Variants in ST3GAL1 observed in about 807,000 individuals in gnomAD.
The protein encoded by ST3GAL1 is CMP-N-acetylneuraminate-beta-galactosamide-alpha-2,3-sialyltransferase 1.
A neutral mutation model predicts 34.1 loss-of-function variants in ST3GAL1; 16 were observed. The observed-to-expected ratio is 0.47, with a 90% CI of 0.32 to 0.71. The LOEUF (loss-of-function observed/expected upper bound fraction) is 0.71. ST3GAL1 is among the 30% of genes least tolerant of loss of function. The pLI is 0.04. For missense variants in ST3GAL1, 353 were observed against 447.4 expected (o/e 0.79, Z 1.90); for synonymous variants, 191 against 184.7 (o/e 1.03, Z -0.28).
intron 3 of ST3GAL1, among the ~76,000 whole-genome samples, chr8:133,484,841 C>A (rs913807360): frequency 1.3e-5 from 2 of 152,198 alleles, no homozygotes; most frequent in African/African-American, 4.8e-5. Context: ...CCTGATACCG[C>A]TGACCCTGGG....
chr8:133,495,751 A>G (rs1816926397), intron 3 of ST3GAL1, among the ~76,000 whole-genome samples: 1 of 152,172 alleles, frequency 6.6e-6, no homozygotes, highest in African/African-American at 2.4e-5. Context: ...CGTAACCCAT[A>G]GCATGTGTGG....
chr8:133,514,040 A>G (rs2131016185), intron 2 of ST3GAL1, among the ~76,000 whole-genome samples: 1 of 152,338 alleles, frequency 6.6e-6, no homozygotes, highest in East Asian at 1.9e-4. Flanking sequence ...CATAATAAAC[A>G]CAAAGAGCTC....
chr8:133,483,542 A>C (rs1282649912), intron 3 of ST3GAL1, among the ~76,000 whole-genome samples: 1 of 152,200 alleles, frequency 6.6e-6, no homozygotes, highest in African/African-American at 2.4e-5. Context: ...TCCTACTCGC[A>C]GGGTTATTTA....
intron 1 of ST3GAL1, among the ~76,000 whole-genome samples, chr8:133,546,363 GTCTCAGCTACTTGGGA>G (rs1818670023): frequency 3.3e-5 from 5 of 151,708 alleles, no homozygotes; most frequent in Admixed American, 3.3e-4. Flanking sequence ...CACACCTGTA[GTCTCAGCTACTTGGGA>G]GGCTGAGGCA....
At chr8:133,560,747 T>C (rs1348865785) in intron 1 of ST3GAL1, among the ~76,000 whole-genome samples, 2 of 152,202 alleles carry the variant, frequency 1.3e-5, no homozygotes, top group Non-Finnish European at 2.9e-5. Context: ...GCATGGGGCC[T>C]GAGGTCTCAG....
rs773682943 is a variant in ST3GAL1 at position 133,475,809 on chromosome 8, G to T, written c.216C>A (p.Ala72=). 5 of 1,614,004 alleles carry T rather than the reference G, an allele frequency of 3.1e-6. No homozygotes were observed. In the East Asian group the frequency reaches 1.1e-4, roughly 36 times the overall value. ...THCIGQRKLS[A]WFDERFNQTM... Reference sequence around the variant, plus strand: ...TCTGGTTGAACCTCTCATCGAACCAGGCCGAGAGCTTGCGCTGCCCGATGC... The same window carrying T: ...TCTGGTTGAACCTCTCATCGAACCATGCCGAGAGCTTGCGCTGCCCGATGC... Residue 72 remains alanine, a synonymous_variant, in exon 5 of 10, where the codon GCC becomes GCA. Coordinates refer to ENST00000522652, the MANE Select transcript of ST3GAL1 (RefSeq NM_173344.3).
At position 133,565,521 on chromosome 8, in the gene ST3GAL1, T is replaced by G. The variant is rs546219474; in HGVS notation, c.-582+6172A>C. ...AGGTGCTACAGCATCCCCTGCTGACTTCTCTGAATGTGGGCACCATCTCTG... is the reference window on the plus strand; with the variant it reads ...AGGTGCTACAGCATCCCCTGCTGACGTCTCTGAATGTGGGCACCATCTCTG... On this transcript the variant is annotated intron_variant, in intron 1 of 9. Transcript: ENST00000522652. 4.6e-5 allele frequency among the ~76,000 whole-genome samples: 7 copies of G among 152,280 alleles called. No individual in the cohort carries two copies. The East Asian group carries it at 1.2e-3, about 25-fold the overall frequency.
intron 3 of ST3GAL1, among the ~76,000 whole-genome samples, chr8:133,483,341 TAAACAAAC>T (rs558985443): frequency 6.6e-6 from 1 of 151,984 alleles, no homozygotes; most frequent in African/African-American, 2.4e-5. Context: ...GACTCCATCT[TAAACAAAC>T]AAACAAACAA....
intron 2 of ST3GAL1, chr8:133,516,203 C>A (rs555216340): frequency 1.3e-5 from 2 of 152,250 alleles, no homozygotes; most frequent in East Asian, 3.9e-4. Flanking sequence ...CCCTGCTATG[C>A]CTAGAAGGTA....
At chr8:133,484,950 A>T (rs1459358383) in intron 3 of ST3GAL1, among the ~76,000 whole-genome samples, 2 of 152,184 alleles carry the variant, frequency 1.3e-5, no homozygotes, top group Non-Finnish European at 2.9e-5. Context: ...AACATTTAAG[A>T]ACTCAGCAAA....
chr8:133,487,205 C>G (rs564921420), intron 3 of ST3GAL1, among the ~76,000 whole-genome samples: 2 of 152,048 alleles, frequency 1.3e-5, no homozygotes, highest in Non-Finnish European at 2.9e-5. Context: ...TCCCAAAGTG[C>G]TGGGATTACA....
At chr8:133,460,065 A>C in intron 9 of ST3GAL1, 128 bp from the exon 10 acceptor site, 1 of 972,924 alleles carries the variant, frequency 1.0e-6, no homozygotes, top group African/African-American at 1.7e-5. Flanking sequence ...ACTCTGACTA[A>C]CCCTTCATTA....
chr8:133,548,301 A>C (rs1366874030), intron 1 of ST3GAL1, among the ~76,000 whole-genome samples: 1 of 152,074 alleles, frequency 6.6e-6, no homozygotes. Flanking sequence ...CCCTTGCATC[A>C]CTGGCTCACA....
At chr8:133,529,804 T>C (rs548510933) in intron 2 of ST3GAL1, among the ~76,000 whole-genome samples, 3 of 152,218 alleles carry the variant, frequency 2.0e-5, no homozygotes, top group South Asian at 2.1e-4. Flanking sequence ...GTAACCCCCA[T>C]TTGAGGGCTG....
intron 2 of ST3GAL1, among the ~76,000 whole-genome samples, chr8:133,505,441 G>A (rs959893479): frequency 2.3e-4 from 35 of 152,302 alleles, no homozygotes; most frequent in Admixed American, 6.5e-4. Context: ...GCTGCCTGCC[G>A]TGCTGGAGTA....
At chr8:133,547,251 C>A (rs1438149438) in intron 1 of ST3GAL1, among the ~76,000 whole-genome samples, 1 of 151,992 alleles carries the variant, frequency 6.6e-6, no homozygotes, top group Non-Finnish European at 1.5e-5. Context: ...CCTAAAAGTT[C>A]CTCTCTCTTG....
At chr8:133,481,792 A>G (rs1010186184) in intron 3 of ST3GAL1, among the ~76,000 whole-genome samples, 1 of 151,798 alleles carries the variant, frequency 6.6e-6, no homozygotes, top group South Asian at 2.1e-4. Context: ...CACCATGCCC[A>G]GTCTTTTTAG....
chr8:133,485,612 A>C (rs1816555485), intron 3 of ST3GAL1, among the ~76,000 whole-genome samples: 1 of 152,212 alleles, frequency 6.6e-6, no homozygotes, highest in African/African-American at 2.4e-5. Flanking sequence ...ATACACAGGA[A>C]AAGTGCACCA....
chr8:133,464,393 C>T (rs1419724392), intron 7 of ST3GAL1, among the ~76,000 whole-genome samples: 1 of 152,128 alleles, frequency 6.6e-6, no homozygotes, highest in African/African-American at 2.4e-5. Context: ...TCTTAGGAAC[C>T]CTCACCCTGC....
Sources: gnomAD v4.1 joint callset for allele counts (sites outside exome capture counted in the v4.1 genomes callset) on GRCh38, gnomAD v4.1.1 for gene constraint, MANE v1.5 for transcripts, NCBI Gene and HGNC (gene_info 2026-07-23, HGNC 2026-07-21) for gene names.